The following RAD51B variants were observed in gnomAD, a reference collection of about 807,000 sequenced individuals.
RAD51B encodes the protein RAD51 paralog B.
A neutral mutation model predicts 42.2 loss-of-function variants in RAD51B; 38 were observed. That is an observed-to-expected ratio of 0.90 (90% CI 0.70 to 1.18). RAD51B has a LOEUF of 1.18. RAD51B is among the 50% of genes most tolerant of loss of function. RAD51B has a pLI of 0.00. For synonymous variants in RAD51B, 154 were observed against 145.2 expected (o/e 1.06, Z -0.43); for missense variants, 373 against 400.7 (o/e 0.93, Z 0.59).
At chr14:67,854,690 T>C (rs1893641488) in intron 4 of RAD51B, among the ~76,000 whole-genome samples, 1 of 140,666 alleles carries the variant, frequency 7.1e-6, no homozygotes, top group Non-Finnish European at 1.5e-5. Context: ...CAGCTAGGTG[T>C]GGTGGCTCAT....
intron 9 of RAD51B, among the ~76,000 whole-genome samples, chr14:68,438,293 A>G (rs964329180): frequency 3.3e-5 from 5 of 152,172 alleles, no homozygotes; most frequent in African/African-American, 7.2e-5. Context: ...TGAGATGGTT[A>G]GGAGGCAGGA....
chr14:68,549,454 C>A (rs573376545), intron 10 of RAD51B, among the ~76,000 whole-genome samples: 29 of 98,468 alleles, frequency 2.9e-4, no homozygotes, highest in Middle Eastern at 0.015. Flanking sequence ...TTCGCTCTGT[C>A]GCCCAGGCTG....
At chr14:68,519,579 T>G (rs1427002880) in intron 10 of RAD51B, among the ~76,000 whole-genome samples, 1 of 152,186 alleles carries the variant, frequency 6.6e-6, no homozygotes, top group Non-Finnish European at 1.5e-5. Flanking sequence ...AGCTACCCAC[T>G]GACAACACGA....
At chr14:68,575,383 G>A (rs1198793681) in intron 10 of RAD51B, among the ~76,000 whole-genome samples, 4 of 152,050 alleles carry the variant, frequency 2.6e-5, no homozygotes, top group Non-Finnish European at 5.9e-5. Flanking sequence ...TGCTCCCCCT[G>A]CCCCTCATTT....
At chr14:68,059,034 C>A (rs2076526205) in intron 7 of RAD51B, among the ~76,000 whole-genome samples, 1 of 152,002 alleles carries the variant, frequency 6.6e-6, no homozygotes, top group African/African-American at 2.4e-5. Context: ...ACCCTCCTAA[C>A]TTTTTTTTCT....
rs138607047 is a variant in RAD51B, at chr14:68,214,609, A to G, written c.757-77275A>G. ...TTATTTGTTTGAGCAATGAGAGATGATCAGTGTTCTAAGTGCTATGGTTCA... is the reference window on the plus strand; with the variant it reads ...TTATTTGTTTGAGCAATGAGAGATGGTCAGTGTTCTAAGTGCTATGGTTCA... On this transcript the variant is annotated intron_variant, in intron 7 of 10. Transcript: ENST00000471583. 4.3e-3 allele frequency among the ~76,000 whole-genome samples: 654 copies of G among 152,338 alleles called. 1 individual carries two copies. Among genetic ancestry groups the G allele is most frequent in the Non-Finnish European group, 7.4e-3 (502 of 68,036 alleles).
intron 8 of RAD51B, among the ~76,000 whole-genome samples, chr14:68,307,520 T>G (rs1053863876): frequency 2.0e-5 from 3 of 152,212 alleles, no homozygotes; most frequent in African/African-American, 7.2e-5. Context: ...CTGTGCGGCC[T>G]TTGAGTAATT....
chr14:68,065,836 G>C (rs1464183722), intron 7 of RAD51B, among the ~76,000 whole-genome samples: 23 of 151,818 alleles, frequency 1.5e-4, no homozygotes, highest in Non-Finnish European at 1.5e-5. Context: ...GTTATGTTTA[G>C]ACATAATGCC....
rs182989618 is a variant in RAD51B, at chr14:67,838,179, C to A, written c.315+2983C>A. ...TTGCATGTATGTACCACATATTTATCCATTTGTCTGCTGATGGACACTTAG... is the reference window on the plus strand; with the variant it reads ...TTGCATGTATGTACCACATATTTATACATTTGTCTGCTGATGGACACTTAG... On this transcript the variant is annotated intron_variant, in intron 4 of 10. Coordinates refer to ENST00000471583, the MANE Select transcript of RAD51B (RefSeq NM_133510.4). Among the ~76,000 whole-genome samples, 3 of 152,246 alleles carry A rather than the reference C, an allele frequency of 2.0e-5. No individual in the cohort carries two copies. In the East Asian group the frequency reaches 5.8e-4, roughly 29 times the overall value.
At chr14:67,866,040 C>G (rs1448458883) in intron 5 of RAD51B, among the ~76,000 whole-genome samples, 2 of 152,148 alleles carry the variant, frequency 1.3e-5, no homozygotes, top group East Asian at 3.9e-4. Context: ...CAATTTACAA[C>G]CTAGCTAGAG....
intron 8 of RAD51B, among the ~76,000 whole-genome samples, chr14:68,351,723 G>A (rs192471184): frequency 1.5e-4 from 23 of 152,252 alleles, no homozygotes; most frequent in Admixed American, 7.8e-4. Flanking sequence ...GGGAATGTGC[G>A]GGATTAGACC....
intron 7 of RAD51B, among the ~76,000 whole-genome samples, chr14:68,209,551 T>C (rs2079659253): frequency 6.6e-6 from 1 of 152,224 alleles, no homozygotes; most frequent in East Asian, 1.9e-4. Flanking sequence ...TCATTTTTTT[T>C]TCCAACATTT....
At chr14:67,940,031 T>C (rs1566969111) in intron 7 of RAD51B, among the ~76,000 whole-genome samples, 306 of 7,962 alleles carry the variant, frequency 0.038, 6 homozygotes, top group Non-Finnish European at 0.098. Context: ...TGCATATATA[T>C]ATATATATAT....
intron 7 of RAD51B, among the ~76,000 whole-genome samples, chr14:68,189,664 T>G (rs1012018258): frequency 6.6e-6 from 1 of 151,524 alleles, no homozygotes; most frequent in Non-Finnish European, 1.5e-5. Context: ...TCCCTTAAAT[T>G]TATTATTATT....
chr14:68,098,581 A>C (rs2077235488), intron 7 of RAD51B, among the ~76,000 whole-genome samples: 6 of 152,182 alleles, frequency 3.9e-5, no homozygotes, highest in Admixed American at 3.9e-4. Flanking sequence ...ATGATGCAAA[A>C]GTGGAAACCC....
intron 9 of RAD51B, among the ~76,000 whole-genome samples, chr14:68,427,657 CA>C (rs1301380755): frequency 2.6e-5 from 4 of 152,238 alleles, no homozygotes; most frequent in African/African-American, 9.6e-5. Flanking sequence ...TCACAACTAA[CA>C]GGGAATTTGC....
intron 4 of RAD51B, among the ~76,000 whole-genome samples, chr14:67,845,899 G>C (rs917932160): frequency 4.6e-5 from 7 of 152,130 alleles, no homozygotes; most frequent in African/African-American, 1.7e-4. Context: ...CTGTGTCCTG[G>C]GGATGATCAT....
At chr14:68,340,484 G>T (rs772385189) in intron 8 of RAD51B, among the ~76,000 whole-genome samples, 1 of 152,130 alleles carries the variant, frequency 6.6e-6, no homozygotes, top group Admixed American at 6.6e-5. Context: ...TACCTGTGAG[G>T]TTTCATCTGC....
At chr14:68,603,744 C>A (rs1227169618) in intron 10 of RAD51B, among the ~76,000 whole-genome samples, 1 of 152,240 alleles carries the variant, frequency 6.6e-6, no homozygotes, top group African/African-American at 2.4e-5. Flanking sequence ...TGTTGTCAAG[C>A]TGTCCCAAAG....
Sources: gnomAD v4.1 joint callset for allele counts (sites outside exome capture counted in the v4.1 genomes callset) on GRCh38, gnomAD v4.1.1 for gene constraint, MANE v1.5 for transcripts, NCBI Gene and HGNC (gene_info 2026-07-23, HGNC 2026-07-21) for gene names.